PTPRK: variants seen among roughly 807,000 people sequenced by gnomAD.
PTPRK encodes receptor-type tyrosine-protein phosphatase kappa.
In PTPRK, 75 loss-of-function variants were observed where a neutral mutation model predicts 178.0. The observed-to-expected ratio is 0.42, with a 90% CI of 0.35 to 0.51. PTPRK has a LOEUF of 0.51. PTPRK is among the 20% of genes least tolerant of loss of function. The probability of loss-of-function intolerance (pLI) is 0.02; values close to 1 mark genes in which losing one functional copy is unlikely to be tolerated. For synonymous variants in PTPRK, 637 were observed against 620.6 expected (o/e 1.03, Z -0.39); for missense variants, 1,441 against 1,797.8 (o/e 0.80, Z 3.59).
intron 13 of PTPRK, among the ~76,000 whole-genome samples, chr6:128,060,084 C>A (rs1335068568): frequency 1.3e-5 from 2 of 151,876 alleles, no homozygotes; most frequent in Non-Finnish European, 2.9e-5. Context: ...GTTCCGGGGT[C>A]CAATGTGAAG....
intron 1 of PTPRK, among the ~76,000 whole-genome samples, chr6:128,404,945 C>A (rs1470752491): frequency 6.6e-6 from 1 of 152,110 alleles, no homozygotes; most frequent in African/African-American, 2.4e-5. Context: ...CAGAATTATC[C>A]AGTACAGCTG....
chr6:128,135,304 C>A (rs928925034), intron 7 of PTPRK, among the ~76,000 whole-genome samples: 1 of 152,118 alleles, frequency 6.6e-6, no homozygotes, highest in Non-Finnish European at 1.5e-5. Context: ...TGTTTCTTGA[C>A]CAGCTGGAGG....
chr6:128,256,127 G>A (rs532258453), intron 3 of PTPRK, among the ~76,000 whole-genome samples: 1 of 152,282 alleles, frequency 6.6e-6, no homozygotes, highest in African/African-American at 2.4e-5. Context: ...CCTCAAGAGA[G>A]TCACAATGTG....
intron 3 of PTPRK, among the ~76,000 whole-genome samples, chr6:128,248,625 A>G (rs1231613121): frequency 6.6e-6 from 1 of 152,180 alleles, no homozygotes; most frequent in Non-Finnish European, 1.5e-5. Flanking sequence ...AATGCCCCTT[A>G]TTTGTGCCAT....
At chr6:128,351,214 C>A (rs561220731) in intron 2 of PTPRK, among the ~76,000 whole-genome samples, 118 of 152,052 alleles carry the variant, frequency 7.8e-4, no homozygotes, top group African/African-American at 2.8e-3. Flanking sequence ...ATTACTGTGC[C>A]AAAATAAGCG....
chr6:128,049,954 C>CAT (rs922515763), intron 13 of PTPRK, among the ~76,000 whole-genome samples: 6 of 152,022 alleles, frequency 3.9e-5, no homozygotes, highest in African/African-American at 1.4e-4. Context: ...CTGACCAACC[C>CAT]GGAGAAACGC....
intron 3 of PTPRK, among the ~76,000 whole-genome samples, chr6:128,291,834 T>C (rs1312962856): frequency 6.6e-6 from 1 of 152,174 alleles, no homozygotes; most frequent in African/African-American, 2.4e-5. Context: ...GTCATCCCTG[T>C]TCACATATTT....
chr6:128,332,835 A>C (rs1305187822), intron 2 of PTPRK, among the ~76,000 whole-genome samples: 1 of 152,120 alleles, frequency 6.6e-6, no homozygotes, highest in African/African-American at 2.4e-5. Flanking sequence ...GTAAATTTAA[A>C]GTATTGTTGC....
intron 1 of PTPRK, among the ~76,000 whole-genome samples, chr6:128,436,122 C>T (rs1223058032): frequency 2.6e-5 from 4 of 151,882 alleles, no homozygotes; most frequent in African/African-American, 9.7e-5. Flanking sequence ...TAATTTGTTG[C>T]TCTTTGGGTC....
rs577251264 is a variant in PTPRK at position 128,114,579 on chromosome 6, C to T, written c.1163-24587G>A. On this transcript the variant is annotated intron_variant, in intron 7 of 29. Transcript: ENST00000368226. Reference sequence around the variant, plus strand: ...TGGAGGTTGCAATGAGCCAAGGTCGCGCCACTGCACTCCAGCCTGGGTGAC... The same window carrying T: ...TGGAGGTTGCAATGAGCCAAGGTCGTGCCACTGCACTCCAGCCTGGGTGAC... Among the ~76,000 whole-genome samples, 5 of 149,152 alleles carry T rather than the reference C, an allele frequency of 3.4e-5. No homozygotes were observed. The South Asian group carries it at 6.5e-4, about 19-fold the overall frequency.
chr6:128,464,358 T>TTAAGA (rs1359192802), intron 1 of PTPRK, among the ~76,000 whole-genome samples: 2 of 151,608 alleles, frequency 1.3e-5, no homozygotes, highest in African/African-American at 2.4e-5. Context: ...AGTAAATTAC[T>TTAAGA]TAAGGTCCCT....
At chr6:128,017,974 A>C (rs942510555) in intron 13 of PTPRK, among the ~76,000 whole-genome samples, 6 of 150,976 alleles carry the variant, frequency 4.0e-5, no homozygotes, top group African/African-American at 7.3e-5. Flanking sequence ...CAAAATGGGA[A>C]GTGGGATCAT....
At position 127,979,021 on chromosome 6, in the gene PTPRK, G is replaced by A. The variant is rs547727604; in HGVS notation, c.3712-1967C>T. Among the ~76,000 whole-genome samples the A allele has an allele frequency of 7.2e-5, 11 of 152,218 alleles. No homozygotes were observed. In the East Asian group the frequency reaches 1.2e-3, roughly 16 times the overall value. ...TTTTTGAATCACAGGGGATTAAGCA[G>A]ACAGTAAGAGCAGGTGGATTACAAG... On this transcript the variant is annotated intron_variant, in intron 25 of 29. Coordinates refer to ENST00000368226, the MANE Select transcript of PTPRK (RefSeq NM_002844.4).
chr6:128,420,191 T>C (rs537769981), intron 1 of PTPRK, among the ~76,000 whole-genome samples: 1 of 152,286 alleles, frequency 6.6e-6, no homozygotes, highest in African/African-American at 2.4e-5. Context: ...TTGTCGATAG[T>C]GTGTCGAGAA....
chr6:128,234,662 C>A (rs1812898234), intron 5 of PTPRK, among the ~76,000 whole-genome samples: 1 of 152,168 alleles, frequency 6.6e-6, no homozygotes, highest in Non-Finnish European at 1.5e-5. Context: ...GCAGTTCATT[C>A]TTTTATTGCT....
chr6:128,218,827 C>T lies in PTPRK; in HGVS notation c.868+95G>A, dbSNP rs184048702. On this transcript the variant is annotated intron_variant, in intron 6 of 29. Coordinates refer to ENST00000368226, the MANE Select transcript of PTPRK (RefSeq NM_002844.4). ...TTTTATAGTGACTTGACATCAGAAACACTATGGTTTAAAAATCAATCAAAA... is the reference window on the plus strand; with the variant it reads ...TTTTATAGTGACTTGACATCAGAAATACTATGGTTTAAAAATCAATCAAAA... 5.8e-5 allele frequency: 66 copies of T among 1,129,638 alleles called. 1 individual carries two copies. In the Admixed American group the frequency reaches 1.2e-3, roughly 21 times the overall value. 70.0% of individuals were successfully genotyped at this position (1,129,638 alleles called of 1,614,324 possible). A position where few individuals can be genotyped will look rare whatever the true frequency, so the allele number is the denominator to read the frequency against.
At chr6:128,199,695 G>C (rs80167566) in intron 6 of PTPRK, among the ~76,000 whole-genome samples, 4,356 of 152,208 alleles carry the variant, frequency 0.029, 142 homozygotes, top group African/African-American at 0.08. Flanking sequence ...CCACTAAGTA[G>C]AAGTGGAATC....
chr6:128,508,818 G>C (rs767617302), intron 1 of PTPRK, among the ~76,000 whole-genome samples: 10 of 151,932 alleles, frequency 6.6e-5, no homozygotes, highest in Non-Finnish European at 1.2e-4. Flanking sequence ...GTGGAGGCAG[G>C]TGCCTGTAAT....
chr6:127,992,117 TTTG>T (rs1484406189), intron 19 of PTPRK, among the ~76,000 whole-genome samples: 1 of 151,808 alleles, frequency 6.6e-6, no homozygotes, highest in Non-Finnish European at 1.5e-5. Flanking sequence ...AGATGCTTTT[TTTG>T]TTGTTGTTAT....
Sources: allele counts gnomAD v4.1 joint callset (sites outside exome capture counted in the v4.1 genomes callset), GRCh38; gene constraint gnomAD v4.1.1; transcripts MANE v1.5; gene names NCBI Gene and HGNC (gene_info 2026-07-23, HGNC 2026-07-21).